The following MTREX variants were observed in gnomAD, a reference collection of about 807,000 sequenced individuals.
MTREX encodes the protein Mtr4 exosome RNA helicase, also known as exosome RNA helicase MTR4.
A neutral mutation model predicts 135.4 loss-of-function variants in MTREX; 76 were observed. The ratio of observed to expected loss-of-function variants is 0.56; its 90% confidence interval spans 0.47 to 0.68. The LOEUF is 0.68. Ranked by LOEUF, MTREX falls within the 30% of genes least tolerant of loss-of-function variation. The pLI is 0.00. For missense variants in MTREX, 920 were observed against 1,262.1 expected (o/e 0.73, Z 4.11); for synonymous variants, 404 against 401.6 (o/e 1.01, Z -0.07).
At chr5:55,353,416 C>T in intron 14 of MTREX, 147 bp downstream of exon 14, 1 of 515,508 alleles carries the variant, frequency 1.9e-6, no homozygotes, top group Non-Finnish European at 3.3e-6. Context: ...TAAACCTTGG[C>T]TTTTGGCCAT....
intron 3 of MTREX, 58 bp from the exon 4 acceptor site, chr5:55,327,658 A>C: frequency 1.5e-6 from 2 of 1,296,054 alleles, no homozygotes; most frequent in Non-Finnish European, 2.2e-6. Flanking sequence ...GGAATGCTAA[A>C]TACATCAGTT....
rs577071790 is a variant in MTREX at position 55,366,946 on chromosome 5, G to A, written c.1810+71G>A. On this transcript the variant is annotated intron_variant, in intron 16 of 26. Coordinates refer to ENST00000230640, the MANE Select transcript of MTREX (RefSeq NM_015360.5). ...GACTAGCAAAATGTCTGCATTATTG[G>A]CTGCTTTGGCTTTTGTTTTTGTAAG... 82 of 1,260,820 alleles carry A rather than the reference G, an allele frequency of 6.5e-5. 2 individuals are homozygous for A. The African/African-American group carries it at 1.1e-3, about 17-fold the overall frequency. The allele number at this position is 1,260,820 out of a possible 1,614,324, so 78.1% of individuals were successfully genotyped here. A position where few individuals can be genotyped will look rare whatever the true frequency, so the allele number is the denominator to read the frequency against.
intron 25 of MTREX, 137 bp downstream of exon 25, chr5:55,416,269 A>G: frequency 1.8e-6 from 1 of 541,330 alleles, no homozygotes; most frequent in Non-Finnish European, 3.1e-6. Flanking sequence ...TATATAGATT[A>G]AAAAATATTC....
chr5:55,407,973 G>C (rs555572934), intron 22 of MTREX, among the ~76,000 whole-genome samples: 1 of 152,154 alleles, frequency 6.6e-6, no homozygotes, highest in Non-Finnish European at 1.5e-5. Context: ...GCCCAGGCTG[G>C]TCTTGAACTC....
chr5:55,363,951 C>T (rs546904916), intron 15 of MTREX, among the ~76,000 whole-genome samples: 287 of 152,166 alleles, frequency 1.9e-3, no homozygotes, highest in Non-Finnish European at 2.9e-3. Flanking sequence ...GCATAGAAAG[C>T]GAACAGGAAG....
intron 3 of MTREX, among the ~76,000 whole-genome samples, chr5:55,325,338 TG>T (rs1307049978): frequency 5.1e-5 from 7 of 137,770 alleles, no homozygotes; most frequent in Non-Finnish European, 7.8e-5. Flanking sequence ...GGTTTTTTTT[TG>T]TTTTTTTTTT....
intron 18 of MTREX, among the ~76,000 whole-genome samples, chr5:55,386,462 GA>G (rs1312021951): frequency 6.6e-6 from 1 of 152,190 alleles, no homozygotes; most frequent in Non-Finnish European, 1.5e-5. Flanking sequence ...AGTTAGCTGA[GA>G]AAAAATTTAT....
rs1751136212 is a variant in MTREX at position 55,425,077 on chromosome 5, C to T, written c.*305C>T. Reference sequence around the variant, plus strand: ...ACTATGTACACACAAAGTGTGCATCCAAGAGGCATAGCAGCAGCAGAAGTC... The same window carrying T: ...ACTATGTACACACAAAGTGTGCATCTAAGAGGCATAGCAGCAGCAGAAGTC... On this transcript the variant is annotated 3_prime_UTR_variant, in exon 27 of 27. Transcript: ENST00000230640. 4 of 1,241,788 alleles carry T rather than the reference C, an allele frequency of 3.2e-6. No homozygotes were observed. In the East Asian group the frequency reaches 9.3e-5, roughly 29 times the overall value. The allele number at this position is 1,241,788 out of a possible 1,614,324, so 76.9% of individuals were successfully genotyped here.
At chr5:55,325,754 GT>G (rs1001146269) in intron 3 of MTREX, among the ~76,000 whole-genome samples, 1 of 152,068 alleles carries the variant, frequency 6.6e-6, no homozygotes, top group Non-Finnish European at 1.5e-5. Context: ...GTATTAAATA[GT>G]TTTTCAACCC....
chr5:55,418,233 CAAAAAAA>C (rs11446735), intron 25 of MTREX, among the ~76,000 whole-genome samples: 2 of 124,604 alleles, frequency 1.6e-5, no homozygotes, highest in East Asian at 2.3e-4. Flanking sequence ...GACACCATCT[CAAAAAAA>C]AAAAAAGAAA....
Position 55,369,592 on chromosome 5 carries a change from A to G in MTREX, c.1810+2717A>G, listed in dbSNP as rs117268989. On this transcript the variant is annotated intron_variant, in intron 16 of 26. Transcript: ENST00000230640. ...TGTTTTCTGACTTCTGGCTGGACCCAGAGATTGTTCAGTATGACTTAGAGC... is the reference window on the plus strand; with the variant it reads ...TGTTTTCTGACTTCTGGCTGGACCCGGAGATTGTTCAGTATGACTTAGAGC... Among the ~76,000 whole-genome samples, 8 of 152,350 alleles carry G rather than the reference A, an allele frequency of 5.3e-5. No individual in the cohort carries two copies. The East Asian group carries it at 1.5e-3, about 29-fold the overall frequency.
chr5:55,349,574 T>A lies in MTREX; in HGVS notation c.1242T>A (p.Asp414Glu). ...LQMTKLDFNT[D>E]EEKKMVEEVF... The stretch of plus-strand genomic sequence containing the variant: ...CTGTACCCTTGAATTTTCTCCTAGA[T>A]GAAGAAAAGAAGATGGTTGAAGAAG... The change falls in exon 12 of 27, where the codon GAT (aspartate) becomes GAA (glutamate). Residue 414 changes from aspartate to glutamate, a missense_variant and splice_region_variant. Asp to Glu is a conservative substitution (Grantham distance 45). Around this residue, in one of 6 missense-constraint regions of MTREX, gnomAD observed 101 missense variants for 119.1 expected, o/e 0.85. Coordinates refer to ENST00000230640, the MANE Select transcript of MTREX (RefSeq NM_015360.5). The A allele has an allele frequency of 6.4e-7, 1 of 1,551,332 alleles. No individual in the cohort carries two copies.
At chr5:55,423,129 T>G in intron 26 of MTREX, 147 bp downstream of exon 26, 2 of 625,448 alleles carry the variant, frequency 3.2e-6, no homozygotes, top group Non-Finnish European at 5.6e-6. Flanking sequence ...TCTATAAAAT[T>G]TAGTGTGTTG....
At chr5:55,317,948 A>G (rs1749225002) in intron 1 of MTREX, among the ~76,000 whole-genome samples, 2 of 152,224 alleles carry the variant, frequency 1.3e-5, no homozygotes, top group Admixed American at 1.3e-4. Context: ...CCTTATTAAA[A>G]GGTGGACAAA....
chr5:55,389,774 C>A (rs1440267103), intron 19 of MTREX, among the ~76,000 whole-genome samples: 1 of 152,032 alleles, frequency 6.6e-6, no homozygotes, highest in Non-Finnish European at 1.5e-5. Context: ...TGACAAAAGG[C>A]ATGAAACAAT....
chr5:55,378,152 A>T (rs930598549), intron 16 of MTREX, among the ~76,000 whole-genome samples, 162 bp from the exon 17 acceptor site: 1 of 152,166 alleles, frequency 6.6e-6, no homozygotes, highest in African/African-American at 2.4e-5. Flanking sequence ...GGGTTTGGGG[A>T]GCTTTTGGAT....
At chr5:55,315,657 A>G (rs1211020271) in intron 1 of MTREX, among the ~76,000 whole-genome samples, 1 of 152,170 alleles carries the variant, frequency 6.6e-6, no homozygotes, top group Admixed American at 6.5e-5. Context: ...ATTTCTGAGT[A>G]TATGTGTACT....
At position 55,425,123 on chromosome 5, in the gene MTREX, GAAGA is replaced by G; in HGVS notation, c.*356_*359del. ...AAGTCTTTAAAGGCTTGTACACCAG[GAAGA>G]AAGATGCATCCTCTTGCCTTGTGGC... On this transcript the variant is annotated 3_prime_UTR_variant, in exon 27 of 27. Coordinates refer to ENST00000230640, the MANE Select transcript of MTREX (RefSeq NM_015360.5). 6.7e-7 allele frequency: 1 copy of G among 1,497,708 alleles called. No individual in the cohort carries two copies. Among genetic ancestry groups the G allele is most frequent in the Non-Finnish European group, 9.0e-7 (1 of 1,109,984 alleles). The allele number at this position is 1,497,708 out of a possible 1,614,324, so 92.8% of individuals were successfully genotyped here. A position where few individuals can be genotyped will look rare whatever the true frequency, so the allele number is the denominator to read the frequency against.
chr5:55,388,553 C>T (rs1191629659), intron 19 of MTREX, among the ~76,000 whole-genome samples: 1 of 152,122 alleles, frequency 6.6e-6, no homozygotes, highest in Non-Finnish European at 1.5e-5. Context: ...AGATATTTAA[C>T]ATTTATTACA....
Sources: gnomAD v4.1 joint callset for allele counts (sites outside exome capture counted in the v4.1 genomes callset) on GRCh38, gnomAD v4.1.1 for gene constraint, gnomAD v4.1.1 regional missense constraint, MANE v1.5 for transcripts, NCBI Gene and HGNC (gene_info 2026-07-23, HGNC 2026-07-21) for gene names.